SEMA3D: variants seen among roughly 807,000 people sequenced by gnomAD.
SEMA3D encodes semaphorin-3D.
A neutral mutation model predicts 100.1 loss-of-function variants in SEMA3D; 84 were observed. That is an observed-to-expected ratio of 0.84 (90% CI 0.70 to 1.01). The LOEUF (loss-of-function observed/expected upper bound fraction) is 1.01. Ranked by LOEUF, SEMA3D falls within the 50% of genes least tolerant of loss-of-function variation. The probability of loss-of-function intolerance (pLI) is 0.00; values close to 1 mark genes in which losing one functional copy is unlikely to be tolerated. For synonymous variants in SEMA3D, 312 were observed against 320.7 expected, an observed-to-expected ratio of 0.97 and a Z score of 0.29; for missense variants, 875 against 934.1, an observed-to-expected ratio of 0.94 and a Z score of 0.82.
intron 1 of SEMA3D, among the ~76,000 whole-genome samples, chr7:85,172,003 TAGAG>T (rs1020608034): frequency 1.3e-5 from 2 of 151,434 alleles, no homozygotes; most frequent in Admixed American, 1.3e-4. Flanking sequence ...ATAATATATA[TAGAG>T]AGAGACACAC....
intron 1 of SEMA3D, chr7:85,159,971 T>C (rs1460109005): frequency 2.0e-6 from 2 of 984,382 alleles, no homozygotes; most frequent in African/African-American, 1.7e-5. Flanking sequence ...CTACGGTAAC[T>C]ACTCCAGAGG....
chr7:85,235,362 G>A, the SEMA3D span, among the ~76,000 whole-genome samples: 3 of 152,086 alleles, frequency 2.0e-5, no homozygotes, highest in African/African-American at 7.2e-5. Flanking sequence ...GGGTGCTCTT[G>A]TCTTATTCAT....
At chr7:85,008,110 C>T (rs1789849670) in intron 17 of SEMA3D, among the ~76,000 whole-genome samples, 1 of 151,696 alleles carries the variant, frequency 6.6e-6, no homozygotes, top group African/African-American at 2.4e-5. Context: ...TCCTAATGCA[C>T]AGAAAGATCA....
At chr7:85,043,680 G>A (rs1162388344) in intron 9 of SEMA3D, among the ~76,000 whole-genome samples, 1 of 152,024 alleles carries the variant, frequency 6.6e-6, no homozygotes, top group African/African-American at 2.4e-5. Flanking sequence ...AATTATGGAG[G>A]CGGGTCTTTC....
chr7:85,044,471 AAC>A (rs1295022093), intron 9 of SEMA3D, among the ~76,000 whole-genome samples: 3 of 152,292 alleles, frequency 2.0e-5, no homozygotes, highest in South Asian at 2.1e-4. Context: ...TTAGGTTTAT[AAC>A]ACACAATTTT....
At chr7:85,141,526 T>A in intron 2 of SEMA3D, 2 of 985,020 alleles carry the variant, frequency 2.0e-6, no homozygotes, top group Non-Finnish European at 1.2e-6. Flanking sequence ...CCTACATGAA[T>A]GACCACAAAG....
the SEMA3D span, among the ~76,000 whole-genome samples, chr7:85,222,644 C>T: frequency 7.9e-5 from 12 of 152,108 alleles, no homozygotes; most frequent in Non-Finnish European, 1.6e-4. Flanking sequence ...AAGCAACCCT[C>T]TGTGTCTGCT....
intron 11 of SEMA3D, among the ~76,000 whole-genome samples, chr7:85,037,977 A>C (rs1448730826): frequency 2.1e-5 from 3 of 145,722 alleles, no homozygotes; most frequent in Admixed American, 1.4e-4. Context: ...GTCCTTGCGA[A>C]TAGGTGGGAA....
intron 3 of SEMA3D, among the ~76,000 whole-genome samples, chr7:85,117,890 GAT>G (rs1158134650): frequency 6.7e-6 from 1 of 150,128 alleles, no homozygotes; most frequent in Non-Finnish European, 1.5e-5. Context: ...TCTTTTTGTA[GAT>G]ATATATAGAT....
intron 3 of SEMA3D, among the ~76,000 whole-genome samples, chr7:85,111,168 A>G (rs1269620408): frequency 6.6e-6 from 1 of 152,042 alleles, no homozygotes; most frequent in East Asian, 1.9e-4. Context: ...ACCAGAAGCC[A>G]ATCTTTTGAA....
the SEMA3D span, among the ~76,000 whole-genome samples, chr7:85,223,239 A>G: frequency 3.3e-5 from 5 of 152,156 alleles, no homozygotes; most frequent in African/African-American, 7.2e-5. Flanking sequence ...GGAAAACAGT[A>G]TGGAGATTCC....
chr7:85,093,888 T>C (rs939567435), intron 4 of SEMA3D, among the ~76,000 whole-genome samples: 1 of 151,996 alleles, frequency 6.6e-6, no homozygotes, highest in African/African-American at 2.4e-5. Flanking sequence ...ACATCTGACA[T>C]TGGCATAAAT....
intron 2 of SEMA3D, among the ~76,000 whole-genome samples, chr7:85,143,899 C>T (rs768348744): frequency 4.0e-4 from 61 of 151,758 alleles, no homozygotes; most frequent in Admixed American, 9.9e-4. Context: ...TTAGTAGAGA[C>T]GGGGTTTCAC....
chr7:85,087,612 G>A (rs868126927), intron 4 of SEMA3D, among the ~76,000 whole-genome samples: 1 of 152,068 alleles, frequency 6.6e-6, no homozygotes, highest in Non-Finnish European at 1.5e-5. Flanking sequence ...ACAGAAAACT[G>A]GCAAACAGAA....
intron 2 of SEMA3D, among the ~76,000 whole-genome samples, chr7:85,145,761 G>A (rs765776013): frequency 6.6e-5 from 10 of 152,110 alleles, no homozygotes; most frequent in South Asian, 2.1e-4. Flanking sequence ...CTCAAGATTC[G>A]TGGGATATTG....
At position 85,129,449 on chromosome 7, in the gene SEMA3D, T is replaced by G. The variant is rs570248528; in HGVS notation, c.-40-7518A>C. ...TTAGTTATGTCAAAGGAGGAAAAATTGAAATTTTTTTGTTATTTAATACAT... is the reference window on the plus strand; with the variant it reads ...TTAGTTATGTCAAAGGAGGAAAAATGGAAATTTTTTTGTTATTTAATACAT... On this transcript the variant is annotated intron_variant, in intron 2 of 18. Coordinates refer to ENST00000284136, the MANE Select transcript of SEMA3D (RefSeq NM_001384900.1). Among the ~76,000 whole-genome samples, 8 of 152,256 alleles carry G rather than the reference T, an allele frequency of 5.3e-5. No individual in the cohort carries two copies. The East Asian group carries it at 1.4e-3, about 26-fold the overall frequency.
rs1165644124 is a variant in SEMA3D at position 85,093,326 on chromosome 7, G to A, written c.312+4479C>T. Among the ~76,000 whole-genome samples, 5 of 151,908 alleles carry A rather than the reference G, an allele frequency of 3.3e-5. No individual in the cohort carries two copies. The South Asian group carries it at 8.3e-4, about 25-fold the overall frequency. ...AAACTAATATATTTCTGGCCAACGA[G>A]ATGAAAGAGAGGGTTTTGCAAAGTT... On this transcript the variant is annotated intron_variant, in intron 4 of 18. Coordinates refer to ENST00000284136, the MANE Select transcript of SEMA3D (RefSeq NM_001384900.1).
At chr7:85,037,996 T>C (rs1790748916) in intron 11 of SEMA3D, among the ~76,000 whole-genome samples, 1 of 123,364 alleles carries the variant, frequency 8.1e-6, no homozygotes, top group Admixed American at 1.1e-4. Context: ...AATTGAACAA[T>C]GAGAACACAT....
At chr7:85,092,210 G>C (rs146128171) in intron 4 of SEMA3D, among the ~76,000 whole-genome samples, 2 of 151,894 alleles carry the variant, frequency 1.3e-5, no homozygotes, top group Non-Finnish European at 2.9e-5. Context: ...TCCTCTCTCT[G>C]TATTTCTACC....
Sources: gnomAD v4.1 joint callset for allele counts (sites outside exome capture counted in the v4.1 genomes callset) on GRCh38, gnomAD v4.1.1 for gene constraint, MANE v1.5 for transcripts, NCBI Gene and HGNC (gene_info 2026-07-23, HGNC 2026-07-21) for gene names.